Variants in GPLD1 observed in about 807,000 individuals in gnomAD.
The protein encoded by GPLD1 is glycosylphosphatidylinositol specific phospholipase D1.
GPLD1 carries 84 observed loss-of-function variants against 112.6 expected under a neutral mutation model. The ratio of observed to expected loss-of-function variants is 0.75; its 90% CI spans 0.63 to 0.89. GPLD1 has a LOEUF of 0.89. Ranked by LOEUF, GPLD1 falls within the 40% of genes least tolerant of loss-of-function variation. The pLI, the probability that GPLD1 is intolerant of heterozygous loss-of-function variation, is 0.00. For missense variants in GPLD1, 1,044 were observed against 1,051.5 expected, an observed-to-expected ratio of 0.99 and a Z score of 0.10; for synonymous variants, 386 against 403.8, an observed-to-expected ratio of 0.96 and a Z score of 0.53.
intron 20 of GPLD1, among the ~76,000 whole-genome samples, chr6:24,438,491 C>T (rs6922313): frequency 0.28 from 42,332 of 152,086 alleles, 6,331 homozygotes; most frequent in African/African-American, 0.37. Context: ...CTGAGCTAAT[C>T]TGACCTGTTT....
intron 12 of GPLD1, 42 bp from the exon 13 acceptor site, chr6:24,456,679 A>C (rs116287860): frequency 0.038 from 53,361 of 1,395,660 alleles, 1,192 homozygotes; most frequent in Non-Finnish European, 0.043. Flanking sequence ...GACACGTAGC[A>C]TAATCAACAA....
At chr6:24,460,134 G>T in intron 12 of GPLD1, 145 bp downstream of exon 12, 1 of 862,668 alleles carries the variant, frequency 1.2e-6, no homozygotes. Context: ...CTGGACTCAA[G>T]GGATCCTCTC....
At chr6:24,441,012 T>C (rs779605425) in intron 20 of GPLD1, among the ~76,000 whole-genome samples, 5 of 151,966 alleles carry the variant, frequency 3.3e-5, no homozygotes, top group Non-Finnish European at 5.9e-5. Flanking sequence ...TGATATAAAA[T>C]GGTATAGTGA....
chr6:24,486,008 A>T (rs181333170), intron 2 of GPLD1, 67 bp downstream of exon 2: 1 of 925,114 alleles, frequency 1.1e-6, no homozygotes, highest in African/African-American at 1.7e-5. Flanking sequence ...ATCTGTTAGG[A>T]TCTTTGTTTG....
At chr6:24,461,383 G>A (rs1434827017) in intron 11 of GPLD1, among the ~76,000 whole-genome samples, 3 of 152,078 alleles carry the variant, frequency 2.0e-5, no homozygotes, top group Non-Finnish European at 4.4e-5. Context: ...CAACAATGAC[G>A]ACTTCACTGA....
chr6:24,492,218 GAA>G (rs1764575075), upstream of GPLD1, among the ~76,000 whole-genome samples: 1 of 152,120 alleles, frequency 6.6e-6, no homozygotes, highest in Admixed American at 6.5e-5. Context: ...AAATGGGGGA[GAA>G]GAGGCTGGGC....
chr6:24,467,846 G>T (rs1763667912), intron 7 of GPLD1, among the ~76,000 whole-genome samples: 2 of 151,964 alleles, frequency 1.3e-5, no homozygotes, highest in African/African-American at 4.8e-5. Flanking sequence ...AACCGTGTAG[G>T]GCAAACCTGC....
intron 20 of GPLD1, 27 bp from the exon 21 acceptor site, chr6:24,437,316 C>G (rs1235215340): frequency 6.2e-7 from 1 of 1,604,968 alleles, no homozygotes; most frequent in African/African-American, 1.3e-5. Flanking sequence ...TTCCTGCTGG[C>G]CTCACAGAAA....
chr6:24,480,672 T>C (rs1764171804), intron 2 of GPLD1, among the ~76,000 whole-genome samples: 2 of 152,134 alleles, frequency 1.3e-5, no homozygotes, highest in South Asian at 4.1e-4. Context: ...AAAAGTGCTT[T>C]CCCTTTTTAA....
intron 7 of GPLD1, among the ~76,000 whole-genome samples, chr6:24,470,632 CTT>C (rs1266071542): frequency 2.6e-5 from 4 of 151,892 alleles, no homozygotes; most frequent in East Asian, 1.9e-4. Flanking sequence ...GAGTTTTGCT[CTT>C]GTCTCTCAGG....
intron 5 of GPLD1, among the ~76,000 whole-genome samples, chr6:24,474,206 C>CACACACATATAT (rs1386205113): frequency 3.3e-5 from 4 of 120,734 alleles, no homozygotes; most frequent in African/African-American, 1.0e-4. Context: ...CACACACACA[C>CACACACATATAT]ATATATATGC....
intron 20 of GPLD1, among the ~76,000 whole-genome samples, chr6:24,441,989 TATAG>T (rs1265985974): frequency 1.3e-5 from 2 of 148,230 alleles, no homozygotes; most frequent in East Asian, 3.9e-4. Flanking sequence ...ATACATTATA[TATAG>T]ACACATACAT....
At chr6:24,449,631 A>G (rs1763016390) in intron 15 of GPLD1, among the ~76,000 whole-genome samples, 158 bp downstream of exon 15, 1 of 152,226 alleles carries the variant, frequency 6.6e-6, no homozygotes, top group Admixed American at 6.5e-5. Flanking sequence ...GGTCACGGCA[A>G]GAACCCCATA....
In GPLD1 at chr6:24,437,220, A is replaced by C; in HGVS notation, c.2090T>G (p.Leu697Arg). The C allele has an allele frequency of 6.2e-7, 1 of 1,614,156 alleles. No individual in the cohort carries two copies. Among genetic ancestry groups the C allele is most frequent in the South Asian group, 1.1e-5 (1 of 91,090 alleles). ...HQGGATRMYA[L>R]TSDAQPLLLS... is the part of the protein sequence containing the mutation. ...CAGCAGAGGCTGCGCGTCAGATGTG[A>C]GTGCGTACATGCGAGTGGCTCCGCC... Residue 697 changes from leucine (L) to arginine (R), a missense_variant, in exon 21 of 25, where the codon CTC (leucine) becomes CGC (arginine). By Grantham distance (102) the Leu-to-Arg change is moderately radical. Transcript: ENST00000230036.
rs1561862497 is a variant in GPLD1, at chr6:24,489,498, C to G, written c.14G>C (p.Arg5Thr). Reference sequence around the variant, plus strand: ...CATGATCAGCAGGCCAGGCCACAACCTGAAAGCAGACATGATCTCATTGCC... The same window carrying G: ...CATGATCAGCAGGCCAGGCCACAACGTGAAAGCAGACATGATCTCATTGCC... MSAF[R>T]LWPGLLIMLG... is the part of the protein sequence containing the mutation. The change falls in exon 1 of 25, where the codon AGG (arginine) becomes ACG (threonine). Residue 5 changes from arginine to threonine, a missense_variant. Physicochemically the swap from Arg to Thr is moderately conservative, Grantham distance 71. Transcript: ENST00000230036. The G allele has an allele frequency of 9.3e-6, 15 of 1,614,068 alleles. No homozygotes were observed. Among genetic ancestry groups the G allele is most frequent in the Non-Finnish European group, 1.3e-5 (15 of 1,179,934 alleles).
In GPLD1 at chr6:24,436,680, C is replaced by G. The variant is rs140754732; in HGVS notation, c.2254G>C (p.Gly752Arg). 3.1e-6 allele frequency: 5 copies of G among 1,614,070 alleles called. No individual in the cohort carries two copies. Among genetic ancestry groups the G allele is most frequent in the Non-Finnish European group, 3.4e-6 (4 of 1,179,984 alleles). The change falls in exon 22 of 25, where the codon GGG (glycine) becomes CGG (arginine). Residue 752 changes from glycine to arginine, a missense_variant. Coordinates refer to ENST00000230036, the MANE Select transcript of GPLD1 (RefSeq NM_001503.4). ...RIADVTSGLI[G>R]GEDGRVYVYN... Reference sequence around the variant, plus strand: ...ACATATACTCGGCCGTCTTCTCCCCCAATCAGTCCAGAGGTTACATCTGCT... The same window carrying G: ...ACATATACTCGGCCGTCTTCTCCCCGAATCAGTCCAGAGGTTACATCTGCT...
At chr6:24,443,309 C>T (rs567484855) in intron 20 of GPLD1, among the ~76,000 whole-genome samples, 1 of 152,272 alleles carries the variant, frequency 6.6e-6, no homozygotes, top group South Asian at 2.1e-4. Flanking sequence ...TATTGGTTAG[C>T]AAAAGCAGGG....
chr6:24,441,146 T>TTA (rs111437814), intron 20 of GPLD1, among the ~76,000 whole-genome samples: 1 of 139,590 alleles, frequency 7.2e-6, no homozygotes, highest in Non-Finnish European at 1.6e-5. Context: ...CTACTAAAAA[T>TTA]AAAAAAAAAA....
intron 5 of GPLD1, among the ~76,000 whole-genome samples, chr6:24,474,619 G>C (rs1296613486): frequency 6.6e-6 from 1 of 152,142 alleles, no homozygotes; most frequent in South Asian, 2.1e-4. Flanking sequence ...TCTTGTGGAT[G>C]AATCTACCCA....
Sources: allele counts gnomAD v4.1 joint callset (sites outside exome capture counted in the v4.1 genomes callset), GRCh38; gene constraint gnomAD v4.1.1; transcripts MANE v1.5; gene names NCBI Gene and HGNC (gene_info 2026-07-23, HGNC 2026-07-21).